The following ARK2C variants were observed in gnomAD, a reference collection of about 807,000 sequenced individuals.
ARK2C encodes E3 ubiquitin-protein ligase ARK2C.
chr18:46,368,587 A>G, the ARK2C span, among the ~76,000 whole-genome samples: 2 of 152,324 alleles, frequency 1.3e-5, no homozygotes, highest in Admixed American at 6.5e-5. Context: ...AGGCAATTCA[A>G]TTCTGTTCTT....
chr18:46,418,272 G>T, the ARK2C span, among the ~76,000 whole-genome samples: 104 of 152,188 alleles, frequency 6.8e-4, no homozygotes, highest in African/African-American at 2.5e-3. Flanking sequence ...TGGGAGGATC[G>T]CTTGAGCCCA....
chr18:46,356,733 A>G, the ARK2C span, among the ~76,000 whole-genome samples: 3 of 152,064 alleles, frequency 2.0e-5, no homozygotes, highest in East Asian at 5.8e-4. Context: ...CACCTCCCCA[A>G]AGCCCTTCTG....
the ARK2C span, chr18:46,456,919 G>C: frequency 4.7e-6 from 2 of 426,096 alleles, no homozygotes; most frequent in African/African-American, 4.0e-5. Flanking sequence ...CCCAGGCTGC[G>C]GAGAACCCAG....
the ARK2C span, among the ~76,000 whole-genome samples, chr18:46,338,466 G>A: frequency 2.0e-5 from 3 of 152,258 alleles, no homozygotes; most frequent in East Asian, 1.9e-4. Flanking sequence ...CTTCATCTAC[G>A]GCCCTAGGGC....
chr18:46,337,180 G>A, the ARK2C span: 4 of 985,004 alleles, frequency 4.1e-6, no homozygotes, highest in Non-Finnish European at 4.8e-6. Context: ...GTCCCAAATA[G>A]CCTCCCCAGA....
At chr18:46,421,029 C>T in the ARK2C span, among the ~76,000 whole-genome samples, 23,833 of 152,124 alleles carry the variant, frequency 0.16, 2,138 homozygotes, top group East Asian at 0.38. Flanking sequence ...CTTCCCTGGC[C>T]AGGAATGGCA....
the ARK2C span, among the ~76,000 whole-genome samples, chr18:46,441,534 C>G: frequency 6.6e-6 from 1 of 152,128 alleles, no homozygotes; most frequent in African/African-American, 2.4e-5. Context: ...TGTATGTTCT[C>G]TCTTTCATTC....
the ARK2C span, among the ~76,000 whole-genome samples, chr18:46,439,446 T>A: frequency 6.6e-6 from 1 of 152,174 alleles, no homozygotes; most frequent in Non-Finnish European, 1.5e-5. Flanking sequence ...AGGTTGAACC[T>A]TCTGAGGCCC....
chr18:46,435,087 G>C, the ARK2C span, among the ~76,000 whole-genome samples: 1 of 152,160 alleles, frequency 6.6e-6, no homozygotes, highest in Non-Finnish European at 1.5e-5. Context: ...GAGTTCCTGA[G>C]CTGCAGATGA....
the ARK2C span, among the ~76,000 whole-genome samples, chr18:46,349,215 T>C: frequency 6.6e-6 from 1 of 152,146 alleles, no homozygotes; most frequent in Non-Finnish European, 1.5e-5. Flanking sequence ...ATAGACTGGG[T>C]GGCTTATAAA....
At chr18:46,349,824 C>T in the ARK2C span, among the ~76,000 whole-genome samples, 4 of 152,222 alleles carry the variant, frequency 2.6e-5, no homozygotes, top group Non-Finnish European at 5.9e-5. Context: ...ACACGATCCA[C>T]CCAGCACCTG....
At chr18:46,444,270 C>A in the ARK2C span, among the ~76,000 whole-genome samples, 2 of 152,086 alleles carry the variant, frequency 1.3e-5, no homozygotes, top group South Asian at 2.1e-4. Context: ...GTTTATCGAA[C>A]TTTTTGGATC....
At chr18:46,379,880 A>T in the ARK2C span, among the ~76,000 whole-genome samples, 1 of 152,242 alleles carries the variant, frequency 6.6e-6, no homozygotes, top group East Asian at 1.9e-4. Context: ...AACCATCTGC[A>T]TGGCTGTCCT....
the ARK2C span, among the ~76,000 whole-genome samples, chr18:46,353,311 G>A: frequency 1.3e-5 from 2 of 152,180 alleles, no homozygotes; most frequent in East Asian, 1.9e-4. Flanking sequence ...TCTGAGAGAC[G>A]GGGATGTCAT....
At chr18:46,450,196 T>C in the ARK2C span, 1 of 780,486 alleles carries the variant, frequency 1.3e-6, no homozygotes, top group South Asian at 1.4e-5. Context: ...CCACAGCATC[T>C]CAGGGTGTAC....
the ARK2C span, among the ~76,000 whole-genome samples, chr18:46,451,861 GA>G: frequency 6.6e-6 from 1 of 152,190 alleles, no homozygotes; most frequent in Non-Finnish European, 1.5e-5. Flanking sequence ...GTTGGAAGCA[GA>G]AATGCACTGA....
At chr18:46,382,344 A>C in the ARK2C span, among the ~76,000 whole-genome samples, 1 of 152,186 alleles carries the variant, frequency 6.6e-6, no homozygotes, top group Middle Eastern at 3.2e-3. Flanking sequence ...GGCTCTGTCC[A>C]GCTTCAGATT....
chr18:46,338,215 A>G, the ARK2C span, among the ~76,000 whole-genome samples: 1 of 152,242 alleles, frequency 6.6e-6, no homozygotes, highest in Non-Finnish European at 1.5e-5. Flanking sequence ...AGCTGAAGCC[A>G]TGATCTGGAA....
At chr18:46,444,042 T>C in the ARK2C span, among the ~76,000 whole-genome samples, 2 of 151,196 alleles carry the variant, frequency 1.3e-5, no homozygotes, top group Non-Finnish European at 2.9e-5. Context: ...AAGTTTACAG[T>C]TTTTTTTCCC....
Sources: allele counts gnomAD v4.1 joint callset (sites outside exome capture counted in the v4.1 genomes callset), GRCh38; gene constraint gnomAD v4.1.1; transcripts MANE v1.5; gene names NCBI Gene and HGNC (gene_info 2026-07-23, HGNC 2026-07-21).